The following SORCS3 variants were observed in gnomAD, a reference collection of about 807,000 sequenced individuals.
SORCS3 encodes VPS10 domain-containing receptor SorCS3.
Under a neutral mutation model 146.3 loss-of-function variants are expected in SORCS3, and 57 were observed. The observed-to-expected ratio is 0.39, with a 90% CI of 0.31 to 0.49. The LOEUF (loss-of-function observed/expected upper bound fraction) is 0.49, where lower values mean the gene tolerates loss of function less well. Ranked by LOEUF, SORCS3 falls within the 20% of genes least tolerant of loss-of-function variation. The pLI, the probability that SORCS3 is intolerant of heterozygous loss-of-function variation, is 0.92. For synonymous variants in SORCS3, 653 were observed against 618.5 expected (o/e 1.06, Z -0.83); for missense variants, 1,341 against 1,575.5 (o/e 0.85, Z 2.52).
intron 1 of SORCS3, among the ~76,000 whole-genome samples, chr10:104,766,791 G>C (rs2017185507): frequency 6.6e-6 from 1 of 152,230 alleles, no homozygotes; most frequent in Non-Finnish European, 1.5e-5. Context: ...TGAATGTGCT[G>C]TGTGTGGTGG....
At chr10:104,940,250 TTTTTTA>T (rs1564718007) in intron 3 of SORCS3, among the ~76,000 whole-genome samples, 4 of 77,436 alleles carry the variant, frequency 5.2e-5, no homozygotes, top group African/African-American at 1.1e-4. Context: ...TTTTTTTTTT[TTTTTTA>T]TTATACTTTA....
chr10:104,881,222 A>G (rs2018627320), intron 2 of SORCS3, among the ~76,000 whole-genome samples: 1 of 152,176 alleles, frequency 6.6e-6, no homozygotes, highest in Non-Finnish European at 1.5e-5. Context: ...GCACAGTACA[A>G]TGAGAGATAC....
intron 2 of SORCS3, among the ~76,000 whole-genome samples, chr10:104,894,318 G>A (rs2018777838): frequency 6.6e-6 from 1 of 152,208 alleles, no homozygotes; most frequent in Non-Finnish European, 1.5e-5. Flanking sequence ...CAATTGCTGA[G>A]ATTCAACTGT....
At chr10:104,677,313 A>C (rs2015922215) in intron 1 of SORCS3, among the ~76,000 whole-genome samples, 1 of 152,140 alleles carries the variant, frequency 6.6e-6, no homozygotes, top group Non-Finnish European at 1.5e-5. Flanking sequence ...CTCTTTTGCA[A>C]AGTCTATCCT....
At chr10:104,705,627 C>G (rs1225857008) in intron 1 of SORCS3, among the ~76,000 whole-genome samples, 1 of 152,130 alleles carries the variant, frequency 6.6e-6, no homozygotes, top group Non-Finnish European at 1.5e-5. Context: ...CCTGTAAACA[C>G]ATACCTCAGT....
intron 1 of SORCS3, among the ~76,000 whole-genome samples, chr10:104,840,255 G>C (rs1357629259): frequency 2.9e-4 from 44 of 152,320 alleles, no homozygotes; most frequent in African/African-American, 1.0e-3. Context: ...TGGTTTATCT[G>C]CAGAACGCCT....
At position 104,885,658 on chromosome 10, in the gene SORCS3, C is replaced by T. The variant is rs548308158; in HGVS notation, c.696-30175C>T. ...TTTCGTTTTGCGTCTTTCCCATTCT[C>T]ATGCCATCCTACTTATGTGAATATG... is the stretch of plus-strand genomic sequence containing the variant. On this transcript the variant is annotated intron_variant, in intron 2 of 26. Coordinates refer to ENST00000369701, the MANE Select transcript of SORCS3 (RefSeq NM_014978.3). Among the ~76,000 whole-genome samples the T allele has an allele frequency of 6.8e-4, 103 of 152,306 alleles. No individual in the cohort carries two copies. The South Asian group carries it at 8.7e-3, about 13-fold the overall frequency.
intron 14 of SORCS3, among the ~76,000 whole-genome samples, chr10:105,191,657 G>A (rs565693648): frequency 1.3e-5 from 2 of 152,310 alleles, no homozygotes; most frequent in South Asian, 4.1e-4. Context: ...ATGGGTGAGA[G>A]TGCAGGTGGG....
chr10:105,120,925 G>A (rs376136814), intron 7 of SORCS3, among the ~76,000 whole-genome samples: 1 of 152,116 alleles, frequency 6.6e-6, no homozygotes, highest in Non-Finnish European at 1.5e-5. Context: ...AAGTAAGGGT[G>A]GTGGTAAGCG....
chr10:104,970,174 A>C (rs1024301198), intron 3 of SORCS3, among the ~76,000 whole-genome samples: 3 of 151,834 alleles, frequency 2.0e-5, no homozygotes, highest in Admixed American at 6.6e-5. Flanking sequence ...ACAGAGTCTC[A>C]CTCTGCCTGC....
chr10:104,795,143 G>A (rs372835718), intron 1 of SORCS3, among the ~76,000 whole-genome samples: 108 of 152,190 alleles, frequency 7.1e-4, no homozygotes, highest in African/African-American at 2.3e-3. Context: ...AGAAATAAAA[G>A]GGGAGTAATT....
At position 105,264,715 on chromosome 10, in the gene SORCS3, T is replaced by G. The variant is rs537737875; in HGVS notation, c.*1341T>G. 97 of 152,810 alleles carry G rather than the reference T, an allele frequency of 6.3e-4. No individual in the cohort carries two copies. Among genetic ancestry groups the G allele is most frequent in the African/African-American group, 2.3e-3 (96 of 41,600 alleles). 9.5% of individuals were successfully genotyped at this position (152,810 alleles called of 1,614,324 possible). On this transcript the variant is annotated 3_prime_UTR_variant, in exon 27 of 27. Coordinates refer to ENST00000369701, the MANE Select transcript of SORCS3 (RefSeq NM_014978.3). ...GTTCCCTTAAGGTAGTTCTTGCCTC[T>G]GGGGTGAGTGGCTTTCAAAGCCTTT... is the stretch of plus-strand genomic sequence containing the variant.
chr10:105,010,787 G>A (rs1281854110), intron 4 of SORCS3, among the ~76,000 whole-genome samples: 1 of 152,084 alleles, frequency 6.6e-6, no homozygotes, highest in Non-Finnish European at 1.5e-5. Flanking sequence ...GTATGGAGGG[G>A]CAGGCTAGGG....
At chr10:104,801,275 T>G (rs1017896600) in intron 1 of SORCS3, among the ~76,000 whole-genome samples, 7 of 152,190 alleles carry the variant, frequency 4.6e-5, no homozygotes, top group African/African-American at 1.2e-4. Flanking sequence ...GCACAGTCAC[T>G]TCTATTAGTT....
At chr10:104,759,154 G>T (rs1057027643) in intron 1 of SORCS3, among the ~76,000 whole-genome samples, 1 of 152,130 alleles carries the variant, frequency 6.6e-6, no homozygotes, top group Non-Finnish European at 1.5e-5. Context: ...TGAACATTAA[G>T]GCAGAGATCA....
At chr10:104,972,069 T>G (rs2133643794) in intron 3 of SORCS3, among the ~76,000 whole-genome samples, 1 of 152,272 alleles carries the variant, frequency 6.6e-6, no homozygotes, top group African/African-American at 2.4e-5. Flanking sequence ...TAATAATAGC[T>G]ATGACTGTTA....
intron 6 of SORCS3, among the ~76,000 whole-genome samples, chr10:105,093,676 C>T (rs1321268464): frequency 6.6e-6 from 1 of 151,924 alleles, no homozygotes; most frequent in Non-Finnish European, 1.5e-5. Context: ...AAATTAAAAC[C>T]ATAGTGATAT....
At chr10:105,082,702 G>T (rs2055633499) in intron 5 of SORCS3, among the ~76,000 whole-genome samples, 2 of 152,042 alleles carry the variant, frequency 1.3e-5, no homozygotes, top group African/African-American at 4.8e-5. Context: ...AAATCCCTGT[G>T]GTAGAATTCA....
At chr10:104,734,343 G>C (rs1230762206) in intron 1 of SORCS3, among the ~76,000 whole-genome samples, 1 of 152,182 alleles carries the variant, frequency 6.6e-6, no homozygotes, top group Admixed American at 6.5e-5. Flanking sequence ...ACAGTAGTAA[G>C]GGGGCCTGGA....
Sources: allele counts gnomAD v4.1 joint callset (sites outside exome capture counted in the v4.1 genomes callset), GRCh38; gene constraint gnomAD v4.1.1; transcripts MANE v1.5; gene names NCBI Gene and HGNC (gene_info 2026-07-23, HGNC 2026-07-21).